Variants in ROBO2 observed in about 807,000 individuals in gnomAD.
ROBO2 encodes the protein roundabout homolog 2.
A neutral mutation model predicts 160.8 loss-of-function variants in ROBO2; 53 were observed. The ratio of observed to expected loss-of-function variants is 0.33; its 90% CI spans 0.26 to 0.41. The LOEUF (loss-of-function observed/expected upper bound fraction) is 0.41, where lower values mean the gene tolerates loss of function less well. ROBO2 is among the 10% of genes least tolerant of loss of function. ROBO2 has a pLI of 1.00. For missense variants in ROBO2, 1,577 were observed against 1,722.4 expected (o/e 0.92, Z 1.49); for synonymous variants, 664 against 611.7 (o/e 1.09, Z -1.26).
At chr3:76,203,113 T>C (rs939120295) in intron 2 of ROBO2, among the ~76,000 whole-genome samples, 8 of 152,168 alleles carry the variant, frequency 5.3e-5, no homozygotes, top group African/African-American at 1.7e-4. Flanking sequence ...AAAATTTAAC[T>C]GATTGCCTAA....
At chr3:76,927,812 C>G (rs1288669298) in intron 2 of ROBO2, among the ~76,000 whole-genome samples, 1 of 151,932 alleles carries the variant, frequency 6.6e-6, no homozygotes, top group Non-Finnish European at 1.5e-5. Flanking sequence ...CATTCAGTAA[C>G]ACAAATAGCA....
chr3:76,263,032 C>T (rs1178533071), intron 2 of ROBO2, among the ~76,000 whole-genome samples: 1 of 152,102 alleles, frequency 6.6e-6, no homozygotes, highest in Non-Finnish European at 1.5e-5. Flanking sequence ...CCATCAGTAC[C>T]AGATAGGATT....
intron 2 of ROBO2, among the ~76,000 whole-genome samples, chr3:76,231,141 T>C (rs555686737): frequency 2.0e-5 from 3 of 152,302 alleles, no homozygotes; most frequent in Admixed American, 6.5e-5. Context: ...AGAAACTTTG[T>C]TAGGACAACC....
chr3:76,124,999 C>T (rs933522523), intron 2 of ROBO2, among the ~76,000 whole-genome samples: 1 of 152,086 alleles, frequency 6.6e-6, no homozygotes, highest in Non-Finnish European at 1.5e-5. Flanking sequence ...TTCACCCCCT[C>T]CTTCCACCTT....
Position 77,091,019 on chromosome 3 carries a change from C to T in ROBO2, c.62-6995C>T, listed in dbSNP as rs374612193. ...ATTTTGCTGGAGGAAGTATATTTCA[C>T]ACTCTGTCCCTAATTTGCCGAGAAT... On this transcript the variant is annotated intron_variant, in intron 1 of 25. Coordinates refer to ENST00000461745, the Ensembl canonical transcript of ROBO2. Among the ~76,000 whole-genome samples the T allele has an allele frequency of 3.3e-5, 5 of 152,266 alleles. No homozygotes were observed. In the East Asian group the frequency reaches 7.7e-4, roughly 24 times the overall value.
At chr3:77,157,787 T>C (rs1171678376) in intron 2 of ROBO2, among the ~76,000 whole-genome samples, 1 of 152,044 alleles carries the variant, frequency 6.6e-6, no homozygotes, top group East Asian at 1.9e-4. Context: ...ATATTAGAGA[T>C]TATCTATATT....
chr3:76,395,491 T>G (rs1333420037), intron 2 of ROBO2, among the ~76,000 whole-genome samples: 1 of 126,916 alleles, frequency 7.9e-6, no homozygotes, highest in Admixed American at 7.7e-5. Context: ...CTGAAGGAAA[T>G]AGAGACAAAA....
chr3:76,111,529 C>G (rs1217441938), intron 2 of ROBO2, among the ~76,000 whole-genome samples: 1 of 152,070 alleles, frequency 6.6e-6, no homozygotes, highest in African/African-American at 2.4e-5. Flanking sequence ...GTTTTCAGGC[C>G]AGCCAGTGCC....
At chr3:76,304,436 T>C (rs2071221129) in intron 2 of ROBO2, among the ~76,000 whole-genome samples, 1 of 152,222 alleles carries the variant, frequency 6.6e-6, no homozygotes. Flanking sequence ...TATGTATCTA[T>C]ATATGTAATA....
intron 1 of ROBO2, among the ~76,000 whole-genome samples, chr3:77,096,719 G>T (rs1045642084): frequency 6.6e-6 from 1 of 151,988 alleles, no homozygotes; most frequent in Non-Finnish European, 1.5e-5. Context: ...CAAAATACTG[G>T]GATTACAGGT....
chr3:76,868,942 A>G (rs2071677865), intron 2 of ROBO2, among the ~76,000 whole-genome samples: 1 of 152,188 alleles, frequency 6.6e-6, no homozygotes, highest in South Asian at 2.1e-4. Flanking sequence ...TTTTTTCAGA[A>G]TGGATAACTA....
At chr3:76,818,416 CTGTG>C (rs1316304594) in intron 2 of ROBO2, among the ~76,000 whole-genome samples, 6 of 151,758 alleles carry the variant, frequency 4.0e-5, no homozygotes, top group Non-Finnish European at 7.4e-5. Flanking sequence ...GATGTATAGA[CTGTG>C]AAGATTTTCT....
rs139241289 is a variant in ROBO2, at chr3:75,920,853, C to CT, written c.-14+13903dup. On this transcript the variant is annotated intron_variant, in intron 1 of 26. Coordinates refer to the ROBO2 transcript ENST00000487694. ...TTAGAGACTAGGATTGAAACCCCTGCTTTTTTTTTTCTTTCTTTCCATTTG... is the reference window on the plus strand; with the variant it reads ...TTAGAGACTAGGATTGAAACCCCTGCTTTTTTTTTTTCTTTCTTTCCATTTG... Among the ~76,000 whole-genome samples the CT allele has an allele frequency of 1.5e-3, 228 of 148,866 alleles. 2 individuals carry two copies. The highest frequency in any genetic ancestry group is 4.9e-3 in the African/African-American group (200 of 40,650).
Position 75,924,681 on chromosome 3 carries a change from C to CTTTTTTTTTT in ROBO2, c.-13-12785_-13-12776dup, listed in dbSNP as rs60599175. Among the ~76,000 whole-genome samples the CTTTTTTTTTT allele has an allele frequency of 1.3e-3, 84 of 66,016 alleles. 14 individuals carry two copies. The highest frequency in any genetic ancestry group is 3.5e-3 in the African/African-American group (51 of 14,746). The allele number at this position is 66,016 out of a possible 152,430, so 43.3% of individuals were successfully genotyped here. ...AATTATTGGGAATTTATTTTCTTTTCTTTTTTTTTTTTTTTTTTTTTTTTG... is the reference window on the plus strand; with the variant it reads ...AATTATTGGGAATTTATTTTCTTTTCTTTTTTTTTTTTTTTTTTTTTTTTTTTTTTTTTTG... On this transcript the variant is annotated intron_variant, in intron 1 of 26. Transcript: ENST00000487694.
chr3:77,627,473 C>T (rs184296206), intron 23 of ROBO2, among the ~76,000 whole-genome samples: 6 of 151,754 alleles, frequency 4.0e-5, no homozygotes, highest in Admixed American at 2.6e-4. Context: ...TTAGTAGATA[C>T]GGGGTTTCAC....
At chr3:76,873,867 A>G (rs1179197884) in intron 2 of ROBO2, among the ~76,000 whole-genome samples, 1 of 152,184 alleles carries the variant, frequency 6.6e-6, no homozygotes, top group African/African-American at 2.4e-5. Context: ...AGCCAGAGGC[A>G]TATTGTGTAT....
intron 2 of ROBO2, among the ~76,000 whole-genome samples, chr3:75,987,299 T>A (rs1238692431): frequency 6.6e-6 from 1 of 152,006 alleles, no homozygotes; most frequent in Non-Finnish European, 1.5e-5. Flanking sequence ...TTCTTTTTGA[T>A]GCTATAATCA....
intron 2 of ROBO2, among the ~76,000 whole-genome samples, chr3:76,497,443 G>A (rs759760850): frequency 3.9e-5 from 6 of 152,066 alleles, no homozygotes; most frequent in Non-Finnish European, 7.4e-5. Flanking sequence ...CCTTCTTCCC[G>A]CCATGGCCTC....
intron 2 of ROBO2, among the ~76,000 whole-genome samples, chr3:76,058,218 A>G: frequency 6.6e-6 from 1 of 151,972 alleles, no homozygotes; most frequent in East Asian, 1.9e-4. Flanking sequence ...CCTGTCACCT[A>G]CATTAGGTAT....
Sources: gnomAD v4.1 joint callset for allele counts (sites outside exome capture counted in the v4.1 genomes callset) on GRCh38, gnomAD v4.1.1 for gene constraint, MANE v1.5 for transcripts, NCBI Gene and HGNC (gene_info 2026-07-23, HGNC 2026-07-21) for gene names.